The following HNRNPC variants were observed in gnomAD, a reference collection of about 807,000 sequenced individuals.
HNRNPC encodes the protein heterogeneous nuclear ribonucleoproteins C1/C2.
A neutral mutation model predicts 33.2 loss-of-function variants in HNRNPC; 3 were observed. The observed-to-expected ratio is 0.09, with a 90% CI of 0.04 to 0.23. The LOEUF (loss-of-function observed/expected upper bound fraction) is 0.23, where lower values mean the gene tolerates loss of function less well. Ranked by LOEUF, HNRNPC falls within the 10% of genes least tolerant of loss-of-function variation. The pLI, the probability that HNRNPC is intolerant of heterozygous loss-of-function variation, is 1.00. For synonymous variants in HNRNPC, 121 were observed against 126.7 expected (o/e 0.96, Z 0.30); for missense variants, 143 against 366.7 (o/e 0.39, Z 4.98).
At chr14:21,244,740 C>T (rs527919106) in intron 2 of HNRNPC, among the ~76,000 whole-genome samples, 54 of 152,306 alleles carry the variant, frequency 3.5e-4, no homozygotes, top group African/African-American at 1.2e-3. Flanking sequence ...GATAGTGTAG[C>T]CTACCACACA....
intron 5 of HNRNPC, among the ~76,000 whole-genome samples, chr14:21,225,440 G>GA (rs10672627): frequency 0.16 from 22,836 of 142,928 alleles, 2,162 homozygotes; most frequent in South Asian, 0.23. Context: ...TCAAAAAAAG[G>GA]AAAAAAAAAA....
chr14:21,242,267 G>A (rs7155313), intron 2 of HNRNPC, among the ~76,000 whole-genome samples: 24,020 of 152,160 alleles, frequency 0.16, 2,159 homozygotes, highest in Admixed American at 0.24. Flanking sequence ...GGAAGATCAC[G>A]AGGTCAAGAG....
At chr14:21,261,019 T>C (rs976786025) in intron 2 of HNRNPC, among the ~76,000 whole-genome samples, 3 of 150,006 alleles carry the variant, frequency 2.0e-5, no homozygotes, top group Admixed American at 1.3e-4. Flanking sequence ...TGGAGTGCAG[T>C]GGATAATCAC....
intron 5 of HNRNPC, 61 bp from the exon 6 acceptor site, chr14:21,213,178 C>A: frequency 6.7e-7 from 1 of 1,503,066 alleles, no homozygotes; most frequent in Non-Finnish European, 9.2e-7. Context: ...CACAATTCAA[C>A]AGACCTTATG....
intron 5 of HNRNPC, among the ~76,000 whole-genome samples, chr14:21,219,406 T>C (rs1490465420): frequency 1.3e-5 from 2 of 152,226 alleles, no homozygotes; most frequent in African/African-American, 4.8e-5. Context: ...GACTCCAATT[T>C]CTATCTTTCC....
chr14:21,241,694 C>A (rs1375955323), intron 2 of HNRNPC, among the ~76,000 whole-genome samples: 1 of 152,216 alleles, frequency 6.6e-6, no homozygotes, highest in African/African-American at 2.4e-5. Flanking sequence ...CTACTTCCCT[C>A]TGGCCTCTTC....
chr14:21,243,404 T>C (rs1193539691), intron 2 of HNRNPC, among the ~76,000 whole-genome samples: 1 of 152,182 alleles, frequency 6.6e-6, no homozygotes, highest in East Asian at 1.9e-4. Context: ...GAGTGGGGCT[T>C]ACACAGGAAT....
intron 5 of HNRNPC, among the ~76,000 whole-genome samples, chr14:21,220,014 A>G (rs1892644301): frequency 6.6e-6 from 1 of 152,112 alleles, no homozygotes; most frequent in Non-Finnish European, 1.5e-5. Flanking sequence ...TCCCATTGCC[A>G]TTTCTCTGGT....
chr14:21,249,448 G>GCTAAAAAA (rs1896365880), intron 2 of HNRNPC, among the ~76,000 whole-genome samples: 2 of 151,570 alleles, frequency 1.3e-5, no homozygotes, highest in South Asian at 4.2e-4. Context: ...TTAGCCAGGT[G>GCTAAAAAA]TGGTGGCACG....
At chr14:21,246,631 C>T (rs917950581) in intron 2 of HNRNPC, among the ~76,000 whole-genome samples, 3 of 151,444 alleles carry the variant, frequency 2.0e-5, no homozygotes, top group Non-Finnish European at 4.4e-5. Flanking sequence ...TAACACAGTA[C>T]TCCAAATTTT....
At chr14:21,247,820 CAAAAAAAA>C (rs1216770970) in intron 2 of HNRNPC, among the ~76,000 whole-genome samples, 2 of 76,754 alleles carry the variant, frequency 2.6e-5, no homozygotes, top group African/African-American at 9.1e-5. Flanking sequence ...ACTAAAAATA[CAAAAAAAA>C]AAAAAAAAAT....
intron 2 of HNRNPC, 140 bp from the exon 3 acceptor site, chr14:21,234,369 T>C (rs185219488): frequency 4.8e-6 from 3 of 628,660 alleles, no homozygotes; most frequent in Non-Finnish European, 7.9e-6. Flanking sequence ...GCATTAAGTA[T>C]GTATTTGCTA....
intron 2 of HNRNPC, among the ~76,000 whole-genome samples, chr14:21,252,053 C>T (rs1361310034): frequency 6.6e-6 from 1 of 152,062 alleles, no homozygotes; most frequent in East Asian, 1.9e-4. Flanking sequence ...GAGATTATAT[C>T]TAAATTTGAG....
intron 3 of HNRNPC, among the ~76,000 whole-genome samples, chr14:21,232,441 C>T (rs1450249321): frequency 2.0e-5 from 3 of 152,088 alleles, no homozygotes; most frequent in Non-Finnish European, 2.9e-5. Flanking sequence ...GCAATCACGG[C>T]TCACTGTAAC....
At position 21,241,438 on chromosome 14, in the gene HNRNPC, T is replaced by C. The variant is rs577406109; in HGVS notation, c.-36-7209A>G. ...GATGGCAGCAATGAGTTGTCAATTT[T>C]CTAAAAGGTTTACTAAATTTTCTGT... On this transcript the variant is annotated intron_variant, in intron 2 of 8. Transcript: ENST00000553300. Among the ~76,000 whole-genome samples the C allele has an allele frequency of 3.9e-5, 6 of 152,188 alleles. No individual in the cohort carries two copies. The South Asian group carries it at 1.2e-3, about 31-fold the overall frequency.
intron 5 of HNRNPC, among the ~76,000 whole-genome samples, chr14:21,218,406 C>G (rs1349419194): frequency 6.6e-6 from 1 of 152,024 alleles, no homozygotes; most frequent in African/African-American, 2.4e-5. Context: ...AAAATTGAGG[C>G]TGGGCATGGT....
intron 5 of HNRNPC, among the ~76,000 whole-genome samples, chr14:21,216,862 C>T (rs924442361): frequency 6.6e-6 from 1 of 152,172 alleles, no homozygotes; most frequent in Non-Finnish European, 1.5e-5. Context: ...CACAGGTTTA[C>T]ATTAAAATTT....
intron 5 of HNRNPC, among the ~76,000 whole-genome samples, chr14:21,229,439 A>G (rs1893863218): frequency 6.6e-6 from 1 of 152,126 alleles, no homozygotes; most frequent in Non-Finnish European, 1.5e-5. Context: ...TGATGCATTA[A>G]TGATGCTCAA....
At chr14:21,257,492 T>G (rs1257944937) in intron 2 of HNRNPC, among the ~76,000 whole-genome samples, 2 of 152,020 alleles carry the variant, frequency 1.3e-5, no homozygotes, top group Non-Finnish European at 2.9e-5. Flanking sequence ...TGCATCCGTC[T>G]CCGTGGTTCT....
Sources: gnomAD v4.1 joint callset for allele counts (sites outside exome capture counted in the v4.1 genomes callset) on GRCh38, gnomAD v4.1.1 for gene constraint, MANE v1.5 for transcripts, NCBI Gene and HGNC (gene_info 2026-07-23, HGNC 2026-07-21) for gene names.